Variants in CASP10 observed in about 807,000 individuals in gnomAD.
CASP10 encodes caspase-10.
Under a neutral mutation model 48.5 loss-of-function variants are expected in CASP10, and 41 were observed. The ratio of observed to expected loss-of-function variants is 0.85; its 90% CI spans 0.66 to 1.10. The LOEUF (loss-of-function observed/expected upper bound fraction) is 1.10. Among genes scored for constraint, CASP10 ranks in the 50% least tolerant of loss-of-function variants. The probability of loss-of-function intolerance (pLI) is 0.00; values close to 1 mark genes in which losing one functional copy is unlikely to be tolerated. For missense variants in CASP10, 614 were observed against 614.5 expected (o/e 1.00, Z 0.01); for synonymous variants, 232 against 238.4 (o/e 0.97, Z 0.25).
At chr2:201,222,437 G>A (rs1269009084), downstream of CASP10, among the ~76,000 whole-genome samples, 3 of 152,016 alleles carry the variant, frequency 2.0e-5, no homozygotes, top group Non-Finnish European at 4.4e-5. Flanking sequence ...GGCTGGTCTC[G>A]AACTCCTGAC....
downstream of CASP10, among the ~76,000 whole-genome samples, chr2:201,224,144 T>A (rs1945759658): frequency 6.6e-6 from 1 of 152,056 alleles, no homozygotes. Flanking sequence ...GCTAATTTTT[T>A]ATATTTTTAG....
At chr2:201,192,341 A>G (rs1944639081) in intron 3 of CASP10, among the ~76,000 whole-genome samples, 1 of 152,068 alleles carries the variant, frequency 6.6e-6, no homozygotes, top group Admixed American at 6.6e-5. Flanking sequence ...CTTTGAGCTG[A>G]GATTGCACTA....
Position 201,217,991 on chromosome 2 carries a change from G to GTAGT in CASP10, c.*251_*254dup, listed in dbSNP as rs1945627917. ...TGCAGGGGGGCAATCACGGCTCACTGTAGTCTCGACCTCCCAGGCTCAAGC... is the reference window on the plus strand; with the variant it reads ...TGCAGGGGGGCAATCACGGCTCACTGTAGTTAGTCTCGACCTCCCAGGCTCAAGC... On this transcript the variant is annotated 3_prime_UTR_variant, in exon 10 of 10. Coordinates refer to ENST00000286186, the MANE Select transcript of CASP10 (RefSeq NM_032977.4). 1.9e-6 allele frequency: 2 copies of GTAGT among 1,047,660 alleles called. No homozygotes were observed. The highest frequency in any genetic ancestry group is 2.5e-6 in the Non-Finnish European group (2 of 793,922). 64.9% of individuals were successfully genotyped at this position (1,047,660 alleles called of 1,614,324 possible).
At chr2:201,199,063 C>T (rs180760477) in intron 5 of CASP10, among the ~76,000 whole-genome samples, 2 of 152,280 alleles carry the variant, frequency 1.3e-5, no homozygotes, top group East Asian at 3.9e-4. Context: ...TTTACTCACA[C>T]TTGCTCTCTT....
downstream of CASP10, among the ~76,000 whole-genome samples, chr2:201,222,024 G>T (rs1024803261): frequency 3.3e-4 from 51 of 152,274 alleles, no homozygotes; most frequent in African/African-American, 1.1e-3. Context: ...GCATGTCTGC[G>T]TGAATTTTGA....
At position 201,221,162 on chromosome 2, in the gene CASP10, G is replaced by C. The variant is rs1158397187; in HGVS notation, c.*3421G>C. 2 of 985,228 alleles carry C rather than the reference G, an allele frequency of 2.0e-6. No homozygotes were observed. The highest frequency in any genetic ancestry group is 2.4e-6 in the Non-Finnish European group (2 of 829,936). 61.0% of individuals were successfully genotyped at this position (985,228 alleles called of 1,614,324 possible). ...CGTAATTCCAGCTGACTTTATTAGCGGCAACTCAGCACTAGCATTACCCCT... is the reference window on the plus strand; with the variant it reads ...CGTAATTCCAGCTGACTTTATTAGCCGCAACTCAGCACTAGCATTACCCCT... On this transcript the variant is annotated 3_prime_UTR_variant, in exon 10 of 10. Coordinates refer to ENST00000286186, the MANE Select transcript of CASP10 (RefSeq NM_032977.4).
At chr2:201,214,366 A>AT (rs1276620075) in intron 9 of CASP10, 1 of 152,180 alleles carries the variant, frequency 6.6e-6, no homozygotes, top group Non-Finnish European at 1.5e-5. Flanking sequence ...AGGGAAATTA[A>AT]TATGGAAATA....
intron 9 of CASP10, among the ~76,000 whole-genome samples, chr2:201,226,975 CTT>C: frequency 6.6e-6 from 1 of 151,836 alleles, no homozygotes; most frequent in East Asian, 1.9e-4. Context: ...ACATAAGAGT[CTT>C]TTATGTTGCT....
chr2:201,225,455 C>T (rs1321509717), downstream of CASP10, among the ~76,000 whole-genome samples: 3 of 152,142 alleles, frequency 2.0e-5, no homozygotes, highest in African/African-American at 7.2e-5. Context: ...TCAGGGGTTT[C>T]GGCAATGCTG....
At chr2:201,200,476 C>G (rs367545316) in intron 5 of CASP10, 1 of 1,598,262 alleles carries the variant, frequency 6.3e-7, no homozygotes, top group Admixed American at 1.7e-5. Flanking sequence ...TGAAGGAGAC[C>G]GTGGAAACTC....
intron 9 of CASP10, chr2:201,228,786 C>A: frequency 1.4e-6 from 1 of 702,652 alleles, no homozygotes; most frequent in South Asian, 1.7e-5. Context: ...TGCTCCATTA[C>A]TGATGAGAAA....
chr2:201,199,705 T>C (rs1944944455), intron 5 of CASP10, among the ~76,000 whole-genome samples: 1 of 150,962 alleles, frequency 6.6e-6, no homozygotes, highest in Non-Finnish European at 1.5e-5. Flanking sequence ...CTCCCAAGTA[T>C]CTGAGATTAC....
At chr2:201,197,685 G>T (rs1019620785) in intron 5 of CASP10, among the ~76,000 whole-genome samples, 1 of 152,274 alleles carries the variant, frequency 6.6e-6, no homozygotes, top group East Asian at 1.9e-4. Flanking sequence ...ACTTAAAGGC[G>T]GAGTTACCAA....
At chr2:201,225,515 TA>T (rs1483809975), downstream of CASP10, among the ~76,000 whole-genome samples, 5 of 152,232 alleles carry the variant, frequency 3.3e-5, no homozygotes. Context: ...TCTGTTTTAC[TA>T]ATCATCGAAT....
At chr2:201,227,751 G>A (rs1042641380) in intron 9 of CASP10, among the ~76,000 whole-genome samples, 4 of 151,634 alleles carry the variant, frequency 2.6e-5, no homozygotes, top group African/African-American at 9.7e-5. Context: ...AGTAGAGACA[G>A]GGTTTCACTG....
intron 8 of CASP10, chr2:201,208,402 G>C (rs1388571835): frequency 3.0e-6 from 3 of 984,180 alleles, no homozygotes; most frequent in Non-Finnish European, 3.6e-6. Context: ...AGCATGTACT[G>C]GGGGAGAGCC....
chr2:201,229,217 AC>A, exon 10 of CASP10: 6 of 1,014,522 alleles, frequency 5.9e-6, no homozygotes, highest in Non-Finnish European at 9.3e-6. Flanking sequence ...AGACTTCTGA[AC>A]GTGGCACTCT....
At chr2:201,205,394 T>G (rs1204274853) in intron 6 of CASP10, among the ~76,000 whole-genome samples, 1 of 151,416 alleles carries the variant, frequency 6.6e-6, no homozygotes, top group Admixed American at 6.6e-5. Flanking sequence ...CCCAGCTAAT[T>G]TTTTGTATTT....
In CASP10 at chr2:201,219,065, T is replaced by G; in HGVS notation, c.*1324T>G. ...CAGGCAGATCACTTGAGGTCAGGAGTTCGAGACCAGCCTGGCCAATACGGC... is the reference window on the plus strand; with the variant it reads ...CAGGCAGATCACTTGAGGTCAGGAGGTCGAGACCAGCCTGGCCAATACGGC... On this transcript the variant is annotated 3_prime_UTR_variant, in exon 10 of 10. Coordinates refer to ENST00000286186, the MANE Select transcript of CASP10 (RefSeq NM_032977.4). 1 of 835,186 alleles carries G rather than the reference T, an allele frequency of 1.2e-6. No individual in the cohort carries two copies. Among genetic ancestry groups the G allele is most frequent in the Non-Finnish European group, 1.4e-6 (1 of 692,970 alleles). 51.7% of individuals were successfully genotyped at this position (835,186 alleles called of 1,614,324 possible).
Sources: gnomAD v4.1 joint callset for allele counts (sites outside exome capture counted in the v4.1 genomes callset) on GRCh38, gnomAD v4.1.1 for gene constraint, MANE v1.5 for transcripts, NCBI Gene and HGNC (gene_info 2026-07-23, HGNC 2026-07-21) for gene names.